Variants in ADGB observed in about 807,000 individuals in gnomAD.
The protein encoded by ADGB is calpain-7-like protein.
A neutral mutation model predicts 210.5 loss-of-function variants in ADGB; 172 were observed. The observed-to-expected ratio is 0.82, with a 90% CI of 0.72 to 0.93. The LOEUF (loss-of-function observed/expected upper bound fraction) is 0.93, where lower values mean the gene tolerates loss of function less well. Ranked by LOEUF, ADGB falls within the 40% of genes least tolerant of loss-of-function variation. ADGB has a pLI of 0.00. For missense variants in ADGB, 2,025 were observed against 1,964.8 expected, an observed-to-expected ratio of 1.03 and a Z score of -0.58; for synonymous variants, 658 against 662.7, an observed-to-expected ratio of 0.99 and a Z score of 0.11.
chr6:146,666,089 T>C (rs1775933819), intron 6 of ADGB, among the ~76,000 whole-genome samples: 1 of 152,054 alleles, frequency 6.6e-6, no homozygotes, highest in African/African-American at 2.4e-5. Flanking sequence ...GATAGTAAGA[T>C]TTCTTTCTGA....
intron 8 of ADGB, among the ~76,000 whole-genome samples, chr6:146,674,675 T>C (rs1390779286): frequency 2.0e-5 from 3 of 152,140 alleles, no homozygotes; most frequent in Non-Finnish European, 4.4e-5. Context: ...AGATTTAAAA[T>C]AGATGTGGCA....
At chr6:146,694,274 T>C (rs896210973) in intron 12 of ADGB, among the ~76,000 whole-genome samples, 53 of 152,164 alleles carry the variant, frequency 3.5e-4, no homozygotes, top group African/African-American at 1.2e-3. Context: ...TTATCTCTCA[T>C]ACTTCTAGAG....
chr6:146,697,064 A>G (rs1038488840), intron 12 of ADGB, among the ~76,000 whole-genome samples: 3 of 152,204 alleles, frequency 2.0e-5, no homozygotes, highest in African/African-American at 7.2e-5. Flanking sequence ...TAGGGAAAAA[A>G]AAGACTAACT....
intron 1 of ADGB, among the ~76,000 whole-genome samples, chr6:146,614,597 T>C (rs1013585114): frequency 1.6e-4 from 24 of 152,306 alleles, no homozygotes; most frequent in South Asian, 1.2e-3. Flanking sequence ...ACTGTACATA[T>C]TTATAGGGTA....
At chr6:146,807,367 T>C in intron 35 of ADGB, 4 of 1,544,004 alleles carry the variant, frequency 2.6e-6, no homozygotes, top group Non-Finnish European at 3.5e-6. Context: ...CCTTTACCAG[T>C]GGAATTATTT....
chr6:146,688,688 AC>A lies in ADGB; in HGVS notation c.1312-2426del, dbSNP rs202021816. On this transcript the variant is annotated intron_variant, in intron 10 of 35. Coordinates refer to ENST00000397944, the MANE Select transcript of ADGB (RefSeq NM_024694.4). ...GCTGTAATGAACTGACTAGTGTGTC[AC>A]CATCTTCCTGTCTTGCCTGCTGATT... Among the ~76,000 whole-genome samples, 519 of 152,266 alleles carry A rather than the reference AC, an allele frequency of 3.4e-3. 11 individuals carry two copies. Among genetic ancestry groups the A allele is most frequent in the Admixed American group, 0.028 (429 of 15,266 alleles).
chr6:146,751,298 A>G (rs1345218044), intron 26 of ADGB, among the ~76,000 whole-genome samples: 1 of 152,030 alleles, frequency 6.6e-6, no homozygotes, highest in Non-Finnish European at 1.5e-5. Context: ...TGTGCCTGCA[A>G]AGGACATGAT....
In ADGB at chr6:146,664,427, A is replaced by T. The variant is rs568956713; in HGVS notation, c.752+87A>T. ...TTTGTATTGCATAATTTATTTTTTTAAAATTAGCTAAAAGACAGCTTTTTC... is the reference window on the plus strand; with the variant it reads ...TTTGTATTGCATAATTTATTTTTTTTAAATTAGCTAAAAGACAGCTTTTTC... On this transcript the variant is annotated intron_variant, in intron 6 of 35. Coordinates refer to ENST00000397944, the MANE Select transcript of ADGB (RefSeq NM_024694.4). The T allele has an allele frequency of 5.9e-5, 77 of 1,312,142 alleles. No individual in the cohort carries two copies. The African/African-American group carries it at 6.7e-4, about 11-fold the overall frequency. The allele number at this position is 1,312,142 out of a possible 1,614,324, so 81.3% of individuals were successfully genotyped here.
At chr6:146,608,434 T>C (rs1780661435) in intron 1 of ADGB, among the ~76,000 whole-genome samples, 1 of 152,142 alleles carries the variant, frequency 6.6e-6, no homozygotes, top group Non-Finnish European at 1.5e-5. Flanking sequence ...TGGTTTGCTA[T>C]TGTTTTTCTG....
At chr6:146,803,383 G>A (rs1778161196) in intron 35 of ADGB, 5 of 1,607,916 alleles carry the variant, frequency 3.1e-6, no homozygotes, top group African/African-American at 1.3e-5. Flanking sequence ...TCAGTCTGGT[G>A]GCCTGCACAA....
At chr6:146,780,834 T>C (rs1042617098) in intron 29 of ADGB, among the ~76,000 whole-genome samples, 3 of 152,024 alleles carry the variant, frequency 2.0e-5, no homozygotes, top group African/African-American at 7.3e-5. Context: ...AACAACTCTG[T>C]AAACCAACTT....
chr6:146,745,981 A>G lies in ADGB; in HGVS notation c.3237A>G (p.Arg1079=). 6.4e-7 allele frequency: 1 copy of G among 1,551,360 alleles called. No individual in the cohort carries two copies. The highest frequency in any genetic ancestry group is 8.7e-7 in the Non-Finnish European group (1 of 1,146,798). ...GCGACACATATGTAGCAGCCTCACG[A>G]TGGAAACTGCGTCTCATCGGTTCTT... ...FTGDTYVAAS[R]WKLRLIGSSA... is the part of the protein sequence containing the mutation. The change falls in exon 26 of 36, where the codon CGA becomes CGG. Residue 1079 remains arginine (R), a synonymous_variant. Coordinates refer to ENST00000397944, the MANE Select transcript of ADGB (RefSeq NM_024694.4).
intron 6 of ADGB, among the ~76,000 whole-genome samples, chr6:146,665,013 C>T (rs1465374152): frequency 1.3e-5 from 2 of 151,988 alleles, no homozygotes; most frequent in Non-Finnish European, 1.5e-5. Context: ...CTTTGATGAT[C>T]GTGTTGGAAA....
Position 146,763,843 on chromosome 6 carries a change from C to A in ADGB, c.3551-58C>A. On this transcript the variant is annotated intron_variant, in intron 27 of 35. Coordinates refer to ENST00000397944, the MANE Select transcript of ADGB (RefSeq NM_024694.4). The stretch of plus-strand genomic sequence containing the variant: ...TATAAAGGAATGTAACTGATTTAGT[C>A]AGTAATAACTATGTATATCACATAT... 8.0e-6 allele frequency: 11 copies of A among 1,381,968 alleles called. No homozygotes were observed. In the South Asian group the frequency reaches 1.4e-4, roughly 18 times the overall value. 85.6% of individuals were successfully genotyped at this position (1,381,968 alleles called of 1,614,324 possible).
intron 35 of ADGB, chr6:146,803,531 TC>T: frequency 6.3e-7 from 1 of 1,591,182 alleles, no homozygotes; most frequent in Non-Finnish European, 8.6e-7. Context: ...TCTGGGCTTT[TC>T]ACAGTTTGTC....
In ADGB at chr6:146,769,128, A is replaced by G; in HGVS notation, c.3859A>G (p.Lys1287Glu). Residue 1287 changes from lysine to glutamate, a missense_variant, in exon 29 of 36, where the codon AAA becomes GAA. Coordinates refer to ENST00000397944, the MANE Select transcript of ADGB (RefSeq NM_024694.4). ...ALKDLKKSNT[K>E]AYGERHEELI... ...GAAAGACTTAAAGAAAAGTAATACC[A>G]AAGGTATGTCACCCTAAATGTTTAA... 1 of 1,499,826 alleles carries G rather than the reference A, an allele frequency of 6.7e-7. No individual in the cohort carries two copies. The highest frequency in any genetic ancestry group is 9.0e-7 in the Non-Finnish European group (1 of 1,106,562). 92.9% of individuals were successfully genotyped at this position (1,499,826 alleles called of 1,614,324 possible). A position where few individuals can be genotyped will look rare whatever the true frequency, so the allele number is the denominator to read the frequency against.
At chr6:146,793,093 T>C (rs1000280184) in intron 33 of ADGB, among the ~76,000 whole-genome samples, 2 of 152,174 alleles carry the variant, frequency 1.3e-5, no homozygotes, top group Non-Finnish European at 2.9e-5. Flanking sequence ...CCATTATTTG[T>C]CCCATCCCAT....
At chr6:146,766,941 C>G (rs1162247536) in intron 28 of ADGB, among the ~76,000 whole-genome samples, 3 of 152,152 alleles carry the variant, frequency 2.0e-5, no homozygotes, top group African/African-American at 7.2e-5. Flanking sequence ...TTAGTCACTA[C>G]AGTAATACAC....
At chr6:146,652,247 T>G (rs949149782) in intron 3 of ADGB, among the ~76,000 whole-genome samples, 6 of 152,204 alleles carry the variant, frequency 3.9e-5, no homozygotes, top group Non-Finnish European at 7.4e-5. Flanking sequence ...AAACTTGAGG[T>G]ATCTAATACT....
Sources: gnomAD v4.1 joint callset for allele counts (sites outside exome capture counted in the v4.1 genomes callset) on GRCh38, gnomAD v4.1.1 for gene constraint, MANE v1.5 for transcripts, NCBI Gene and HGNC (gene_info 2026-07-23, HGNC 2026-07-21) for gene names.